Variants in ITGA9 observed in about 807,000 individuals in gnomAD.
The protein encoded by ITGA9 is integrin alpha-9.
ITGA9 carries 56 observed loss-of-function variants against 127.8 expected under a neutral mutation model. The observed-to-expected ratio is 0.44, with a 90% CI of 0.35 to 0.55. The LOEUF (loss-of-function observed/expected upper bound fraction) is 0.55, where lower values mean the gene tolerates loss of function less well. ITGA9 is among the 20% of genes least tolerant of loss of function. The probability of loss-of-function intolerance (pLI) is 0.00; values close to 1 mark genes in which losing one functional copy is unlikely to be tolerated. For missense variants in ITGA9, 1,196 were observed against 1,347.1 expected (o/e 0.89, Z 1.76); for synonymous variants, 508 against 514.5 (o/e 0.99, Z 0.17).
At position 37,629,467 on chromosome 3, in the gene ITGA9, G is replaced by C; in HGVS notation, c.1839+131G>C. ...CGCAGCCAGGACACACCTCCTCTCTGGGTCTCCCTTTTCTGATCTGCAAAA... is the reference window on the plus strand; with the variant it reads ...CGCAGCCAGGACACACCTCCTCTCTCGGTCTCCCTTTTCTGATCTGCAAAA... On this transcript the variant is annotated intron_variant, in intron 16 of 27. Transcript: ENST00000264741. This position sits in a 1 kb window ranked among gnomAD's most constrained non-coding sequence, Gnocchi z 4.5. 1.1e-6 allele frequency: 1 copy of C among 933,966 alleles called. No homozygotes were observed. Among genetic ancestry groups the C allele is most frequent in the African/African-American group, 1.6e-5 (1 of 61,170 alleles). The allele number at this position is 933,966 out of a possible 1,614,324, so 57.9% of individuals were successfully genotyped here.
At chr3:37,481,424 T>C (rs1698553622) in intron 3 of ITGA9, 60 bp from the exon 4 acceptor site, 1 of 1,609,418 alleles carries the variant, frequency 6.2e-7, no homozygotes, top group East Asian at 2.2e-5. Flanking sequence ...CTGACAGGAG[T>C]CTGCTTTGTG....
intron 26 of ITGA9, among the ~76,000 whole-genome samples, chr3:37,797,741 T>G (rs1697190801): frequency 6.6e-6 from 1 of 152,226 alleles, no homozygotes; most frequent in African/African-American, 2.4e-5. Flanking sequence ...TTTTTTATTT[T>G]ATTTTTTTGA....
chr3:37,755,169 C>T (rs931495596), intron 23 of ITGA9, among the ~76,000 whole-genome samples: 2 of 152,134 alleles, frequency 1.3e-5, no homozygotes, highest in African/African-American at 4.8e-5. Flanking sequence ...GTAAGATCAG[C>T]ATCCCAAGTT....
intron 8 of ITGA9, among the ~76,000 whole-genome samples, chr3:37,510,743 G>A (rs949948770): frequency 7.2e-5 from 11 of 152,086 alleles, no homozygotes; most frequent in Admixed American, 3.3e-4. Flanking sequence ...TCTTGGCTTC[G>A]TAGCCATTTG....
rs139288415 is a variant in ITGA9, at chr3:37,511,085, A to T, written c.897+2458A>T. On this transcript the variant is annotated intron_variant, in intron 8 of 27. Transcript: ENST00000264741. ...GAGTCACATAGACAGGAGGGTTCTA[A>T]CTCAGCAAACCACCGGTTCACTTCT... is the stretch of plus-strand genomic sequence containing the variant. Among the ~76,000 whole-genome samples the T allele has an allele frequency of 4.8e-3, 729 of 152,212 alleles. 3 individuals carry two copies. Among genetic ancestry groups the T allele is most frequent in the African/African-American group, 0.017 (702 of 41,510 alleles).
intron 15 of ITGA9, among the ~76,000 whole-genome samples, chr3:37,607,454 G>A (rs1386531667): frequency 6.6e-6 from 1 of 152,180 alleles, no homozygotes; most frequent in African/African-American, 2.4e-5. Flanking sequence ...TTCATGGTAG[G>A]ATGGGTGTTA....
intron 14 of ITGA9, among the ~76,000 whole-genome samples, chr3:37,542,108 A>G (rs2125590822): frequency 6.6e-6 from 1 of 152,296 alleles, no homozygotes; most frequent in Middle Eastern, 3.4e-3. Flanking sequence ...TGTGTTGGGT[A>G]CACCTTGTTA....
intron 15 of ITGA9, among the ~76,000 whole-genome samples, chr3:37,563,757 G>T (rs1470680529): frequency 6.6e-6 from 1 of 152,178 alleles, no homozygotes; most frequent in Non-Finnish European, 1.5e-5. Context: ...CCCATCTGAA[G>T]TCCTGCCTGG....
chr3:37,623,673 A>ATGTGTGTGTGTGTGTGTC (rs1559552091), intron 15 of ITGA9, among the ~76,000 whole-genome samples: 2 of 118,170 alleles, frequency 1.7e-5, no homozygotes. Context: ...GTGTGTGTGT[A>ATGTGTGTGTGTGTGTGTC]TGTGTGTGTG....
At chr3:37,780,134 G>A in intron 25 of ITGA9, 113 bp downstream of exon 25, 1 of 1,313,250 alleles carries the variant, frequency 7.6e-7, no homozygotes, top group Non-Finnish European at 1.1e-6. Flanking sequence ...GTGTCCTCAT[G>A]ACAATCTGGC....
chr3:37,475,988 T>C (rs750600003), intron 3 of ITGA9, among the ~76,000 whole-genome samples: 8 of 152,244 alleles, frequency 5.3e-5, no homozygotes, highest in Non-Finnish European at 1.0e-4. Context: ...TAGCATAATG[T>C]CCTCAAGGTT....
intron 27 of ITGA9, among the ~76,000 whole-genome samples, chr3:37,810,124 G>A (rs1229604547): frequency 2.6e-5 from 4 of 152,318 alleles, no homozygotes; most frequent in South Asian, 4.1e-4. Context: ...TCCTTCTAGA[G>A]TAGCTCTTGG....
chr3:37,465,880 G>C (rs1311808559), intron 1 of ITGA9, among the ~76,000 whole-genome samples: 1 of 152,122 alleles, frequency 6.6e-6, no homozygotes, highest in African/African-American at 2.4e-5. Flanking sequence ...GGTACCTGTT[G>C]GTTCCCTTTT....
chr3:37,760,789 C>T (rs191444183), intron 23 of ITGA9, among the ~76,000 whole-genome samples: 64 of 152,022 alleles, frequency 4.2e-4, no homozygotes, highest in East Asian at 7.7e-4. Flanking sequence ...ATCCTGAAAC[C>T]ATAAAGAAAA....
chr3:37,790,417 C>G, intron 26 of ITGA9: 2 of 455,732 alleles, frequency 4.4e-6, no homozygotes, highest in Admixed American at 2.4e-5. Flanking sequence ...GTTGGAATGC[C>G]TGATCCTGCG....
chr3:37,516,891 C>T (rs184489971), intron 9 of ITGA9, among the ~76,000 whole-genome samples: 13 of 152,078 alleles, frequency 8.5e-5, no homozygotes, highest in African/African-American at 1.9e-4. Context: ...CCATTAACCC[C>T]CTCCCTCTGT....
chr3:37,787,653 A>C (rs1697057681), intron 26 of ITGA9, among the ~76,000 whole-genome samples: 1 of 152,118 alleles, frequency 6.6e-6, no homozygotes, highest in African/African-American at 2.4e-5. Flanking sequence ...TTTTCTGAGT[A>C]GGAAGGTTTG....
At chr3:37,630,777 C>G (rs1700223491) in intron 16 of ITGA9, among the ~76,000 whole-genome samples, 6 of 152,184 alleles carry the variant, frequency 3.9e-5, no homozygotes, top group Admixed American at 3.3e-4. Context: ...CACAAGTGCC[C>G]CAGGAGAGTG....
chr3:37,697,083 A>G (rs909936484), intron 18 of ITGA9, among the ~76,000 whole-genome samples: 1 of 152,152 alleles, frequency 6.6e-6, no homozygotes, highest in African/African-American at 2.4e-5. Context: ...GCCATGGCCT[A>G]AGACTGAGAC....
Sources: allele counts gnomAD v4.1 joint callset (sites outside exome capture counted in the v4.1 genomes callset), GRCh38; gene constraint gnomAD v4.1.1; non-coding constraint Gnocchi (gnomAD v3.1); transcripts MANE v1.5; gene names NCBI Gene and HGNC (gene_info 2026-07-23, HGNC 2026-07-21).